ABCB1: variants seen among roughly 807,000 people sequenced by gnomAD.
The protein encoded by ABCB1 is ATP binding cassette subfamily B member 1, also known as ATP-dependent translocase ABCB1.
Under a neutral mutation model 142.0 loss-of-function variants are expected in ABCB1, and 69 were observed. That is an observed-to-expected ratio of 0.49 (90% CI 0.40 to 0.59). ABCB1 has a LOEUF of 0.59. Among genes scored for constraint, ABCB1 ranks in the 20% least tolerant of loss-of-function variants. ABCB1 has a pLI of 0.00. For synonymous variants in ABCB1, 532 were observed against 539.2 expected (o/e 0.99, Z 0.18); for missense variants, 1,326 against 1,554.7 (o/e 0.85, Z 2.47).
intron 8 of ABCB1, among the ~76,000 whole-genome samples, chr7:87,558,302 T>C (rs1264335163): frequency 6.6e-6 from 1 of 152,234 alleles, no homozygotes; most frequent in Non-Finnish European, 1.5e-5. Context: ...AGATGATGGA[T>C]TCATTCTGAA....
intron 1 of ABCB1, among the ~76,000 whole-genome samples, chr7:87,618,075 G>T (rs980209711): frequency 2.0e-5 from 3 of 152,130 alleles, no homozygotes; most frequent in African/African-American, 7.2e-5. Context: ...CCAGAATTCA[G>T]TCATTACTTC....
At chr7:87,582,527 A>G (rs777070184) in intron 4 of ABCB1, among the ~76,000 whole-genome samples, 11 of 152,222 alleles carry the variant, frequency 7.2e-5, no homozygotes, top group Non-Finnish European at 1.5e-4. Flanking sequence ...ATACAAATTA[A>G]TTGATGGATT....
intron 21 of ABCB1, chr7:87,521,624 C>G (rs1356064089): frequency 1.3e-6 from 1 of 776,872 alleles, no homozygotes; most frequent in Non-Finnish European, 2.3e-6. Flanking sequence ...ACCAAGCGCT[C>G]AAGGGACTTT....
intron 1 of ABCB1, among the ~76,000 whole-genome samples, chr7:87,611,131 G>C (rs1448389592): frequency 6.6e-6 from 1 of 152,162 alleles, no homozygotes; most frequent in Non-Finnish European, 1.5e-5. Context: ...GGTAAGGCCT[G>C]CAAGGGCTTC....
intron 25 of ABCB1, among the ~76,000 whole-genome samples, chr7:87,510,844 A>G (rs1814972548): frequency 6.6e-6 from 1 of 152,168 alleles, no homozygotes; most frequent in Non-Finnish European, 1.5e-5. Context: ...TAATAAATGA[A>G]GGTGGAAAGT....
rs368518791 is a variant in ABCB1, at chr7:87,623,224, T to G, written c.-330-22146A>C. 3.3e-5 allele frequency among the ~76,000 whole-genome samples: 5 copies of G among 152,334 alleles called. No individual in the cohort carries two copies. In the East Asian group the frequency reaches 9.6e-4, roughly 29 times the overall value. On this transcript the variant is annotated intron_variant, in intron 1 of 28. Coordinates refer to the ABCB1 transcript ENST00000265724. ...TTTAGAGAACGGTTCTGATGATTAA[T>G]TGATGCAATGCATACAATGTCTGGA...
rs547929957 is a variant in ABCB1 at position 87,551,960 on chromosome 7, C to T, written c.1000-1122G>A. On this transcript the variant is annotated intron_variant, in intron 9 of 27. Coordinates refer to ENST00000622132, the MANE Select transcript of ABCB1 (RefSeq NM_001348946.2). ...ACTAGTTATATGTTGTTAGGCCATT[C>T]TCTTAGAATCTTTGGCTTCAATTTC... Among the ~76,000 whole-genome samples the T allele has an allele frequency of 8.6e-4, 131 of 152,228 alleles. 1 individual carries two copies. The highest frequency in any genetic ancestry group is 9.9e-4 in the Non-Finnish European group (67 of 68,004).
chr7:87,602,317 T>TC (rs1491313359), upstream of ABCB1, among the ~76,000 whole-genome samples: 5 of 141,612 alleles, frequency 3.5e-5, no homozygotes, highest in African/African-American at 2.8e-5. Flanking sequence ...TTTTTTTTTT[T>TC]CACAAATTGT....
intron 1 of ABCB1, among the ~76,000 whole-genome samples, chr7:87,642,367 T>C (rs1822544970): frequency 6.6e-6 from 1 of 152,088 alleles, no homozygotes; most frequent in Non-Finnish European, 1.5e-5. Context: ...CTGCTTTTAA[T>C]GTCTAGCTTA....
intron 21 of ABCB1, among the ~76,000 whole-genome samples, chr7:87,527,822 C>G (rs1228838665): frequency 6.6e-6 from 1 of 152,128 alleles, no homozygotes; most frequent in Non-Finnish European, 1.5e-5. Context: ...TGGGGTAGTA[C>G]AGTACATACT....
At chr7:87,570,857 T>G (rs951928012) in intron 4 of ABCB1, among the ~76,000 whole-genome samples, 1 of 152,194 alleles carries the variant, frequency 6.6e-6, no homozygotes, top group African/African-American at 2.4e-5. Flanking sequence ...TACGCATGTA[T>G]ATACACACAA....
At chr7:87,598,366 T>C (rs1363188966) in intron 2 of ABCB1, among the ~76,000 whole-genome samples, 1 of 152,344 alleles carries the variant, frequency 6.6e-6, no homozygotes, top group East Asian at 1.9e-4. Context: ...TGCTAGGTGA[T>C]GTTGTTTACT....
At chr7:87,581,235 GCACACACCACCA>G (rs1395293978) in intron 4 of ABCB1, among the ~76,000 whole-genome samples, 1 of 152,008 alleles carries the variant, frequency 6.6e-6, no homozygotes, top group East Asian at 1.9e-4. Flanking sequence ...GGGACTGCAG[GCACACACCACCA>G]CACCCAGCTT....
chr7:87,611,558 T>C (rs940315620), intron 1 of ABCB1, among the ~76,000 whole-genome samples: 29 of 152,158 alleles, frequency 1.9e-4, no homozygotes, highest in African/African-American at 6.5e-4. Flanking sequence ...TGATTTTTTT[T>C]TTTTTAGGGC....
chr7:87,708,229 G>A (rs975219000), intron 1 of ABCB1, among the ~76,000 whole-genome samples: 2 of 152,060 alleles, frequency 1.3e-5, no homozygotes, highest in African/African-American at 4.8e-5. Flanking sequence ...GATTAATGCA[G>A]TTGATAAGCT....
At chr7:87,675,141 G>A (rs1826198125) in intron 1 of ABCB1, among the ~76,000 whole-genome samples, 1 of 152,162 alleles carries the variant, frequency 6.6e-6, no homozygotes, top group Admixed American at 6.5e-5. Flanking sequence ...GATGCTGGGG[G>A]CTAGGAACAA....
intron 12 of ABCB1, 58 bp downstream of exon 12, chr7:87,550,113 A>G: frequency 1.2e-6 from 2 of 1,614,118 alleles, no homozygotes; most frequent in Admixed American, 1.7e-5. Context: ...CAACATCAGA[A>G]AGATGTGCAA....
At chr7:87,527,058 C>G (rs924726899) in intron 21 of ABCB1, among the ~76,000 whole-genome samples, 4 of 152,008 alleles carry the variant, frequency 2.6e-5, no homozygotes, top group African/African-American at 9.7e-5. Context: ...CCTTTCTTCT[C>G]AATGATTTTT....
At position 87,524,561 on chromosome 7, in the gene ABCB1, A is replaced by G. The variant is rs544324868; in HGVS notation, c.2686-3685T>C. Among the ~76,000 whole-genome samples, 282 of 152,060 alleles carry G rather than the reference A, an allele frequency of 1.9e-3. 1 individual carries two copies. The highest frequency in any genetic ancestry group is 3.1e-3 in the South Asian group (15 of 4,794). On this transcript the variant is annotated intron_variant, in intron 21 of 27. Transcript: ENST00000622132. ...AGAACACATGGACACAGGAAGCGGAACATCACACACTGGGGCCTGTTGTGG... is the reference window on the plus strand; with the variant it reads ...AGAACACATGGACACAGGAAGCGGAGCATCACACACTGGGGCCTGTTGTGG...
Sources: allele counts gnomAD v4.1 joint callset (sites outside exome capture counted in the v4.1 genomes callset), GRCh38; gene constraint gnomAD v4.1.1; transcripts MANE v1.5; gene names NCBI Gene and HGNC (gene_info 2026-07-23, HGNC 2026-07-21).